The following HDX variants were observed in gnomAD, a reference collection of about 807,000 sequenced individuals.
The protein encoded by HDX is highly divergent homeobox.
HDX carries 19 observed loss-of-function variants against 45.2 expected under a neutral mutation model. The observed-to-expected ratio is 0.42, with a 90% CI of 0.29 to 0.62. The LOEUF (loss-of-function observed/expected upper bound fraction) is 0.62. Ranked by LOEUF, HDX falls within the 20% of genes least tolerant of loss-of-function variation. HDX has a pLI of 0.20. For missense variants in HDX, 532 were observed against 493.9 expected, an observed-to-expected ratio of 1.08 and a Z score of -0.73; for synonymous variants, 188 against 172.8, an observed-to-expected ratio of 1.09 and a Z score of -0.69.
chrX:84,381,144 A>T (rs1157160964), intron 5 of HDX, among the ~76,000 whole-genome samples: 1 of 111,252 alleles, frequency 9.0e-6, no homozygotes, highest in Non-Finnish European at 1.9e-5. Flanking sequence ...AATTAACCAA[A>T]GAAGTTAAAG....
In HDX at chrX:84,321,325, A is replaced by C. The variant is rs2036593404; in HGVS notation, c.*564T>G. The C allele has an allele frequency of 9.0e-6, 1 of 111,141 alleles. No individual in the cohort carries two copies. Among genetic ancestry groups the C allele is most frequent in the African/African-American group, 3.3e-5 (1 of 30,729 alleles). The allele number at this position is 111,141 out of a possible 1,213,427, so 9.2% of individuals were successfully genotyped here. A position where few individuals can be genotyped will look rare whatever the true frequency, so the allele number is the denominator to read the frequency against. ...AAGAACACCAGCAATTTACAATTAC[A>C]TACCTGTAATCATTTAATTTTCAGT... On this transcript the variant is annotated 3_prime_UTR_variant, in exon 11 of 11. Coordinates refer to ENST00000373177, the MANE Select transcript of HDX (RefSeq NM_001177479.2).
chrX:84,466,803 T>C (rs12392835), intron 4 of HDX, among the ~76,000 whole-genome samples: 2,520 of 111,847 alleles, frequency 0.023, 51 homozygotes, highest in African/African-American at 0.071. Context: ...GTTGGAATTC[T>C]GGTTCTGTCA....
At chrX:84,451,306 CATAA>C (rs779024376) in intron 4 of HDX, among the ~76,000 whole-genome samples, 7 of 110,609 alleles carry the variant, frequency 6.3e-5, no homozygotes, top group Non-Finnish European at 1.3e-4. Context: ...AAAAAGAAGA[CATAA>C]ATAAATAAAA....
At chrX:84,462,669 G>A (rs771688548) in intron 4 of HDX, among the ~76,000 whole-genome samples, 64 of 110,609 alleles carry the variant, frequency 5.8e-4, no homozygotes, top group Non-Finnish European at 1.1e-3. Context: ...GAGTGATACT[G>A]TTCTATTAAT....
intron 5 of HDX, among the ~76,000 whole-genome samples, chrX:84,389,912 G>T (rs2038404978): frequency 9.0e-6 from 1 of 111,096 alleles, no homozygotes; most frequent in Non-Finnish European, 1.9e-5. Context: ...GGATCCCATA[G>T]GTCAATGGCA....
chrX:84,469,355 T>C lies in HDX; in HGVS notation c.368A>G (p.Asn123Ser). The C allele has an allele frequency of 8.3e-7, 1 of 1,209,260 alleles. No individual in the cohort carries two copies. Residue 123 changes from asparagine to serine, a missense_variant, in exon 4 of 11, where the codon AAC (asparagine) becomes AGC (serine). By Grantham distance (46) the Asn-to-Ser change is conservative (BLOSUM62 1). Coordinates refer to ENST00000373177, the MANE Select transcript of HDX (RefSeq NM_001177479.2). ...TGTAATTTGTGTGTCTGTATGTTTG[T>C]TTGTTCCTTGCCTACTTGATGAACT... ...PASSSSRQGT[N>S]KHTDTQITEA... is the part of the protein sequence containing the mutation.
intron 5 of HDX, among the ~76,000 whole-genome samples, chrX:84,437,478 C>A (rs1006759446): frequency 4.5e-5 from 5 of 111,202 alleles, no homozygotes; most frequent in African/African-American, 1.3e-4. Flanking sequence ...GTTTAACATG[C>A]AAGTCCTGGC....
Position 84,499,881 on chromosome X carries a change from C to T in HDX, c.-110+2461G>A, listed in dbSNP as rs563598388. 7.2e-5 allele frequency: 8 copies of T among 111,879 alleles called. No homozygotes were observed. The South Asian group carries it at 3.0e-3, about 42-fold the overall frequency. The allele number at this position is 111,879 out of a possible 1,213,427, so 9.2% of individuals were successfully genotyped here. ...CAATTGTAACAACCATCACAAAGGT[C>T]ATCTCTGATTCAAGAGATGTACACA... On this transcript the variant is annotated intron_variant, in intron 1 of 10. Coordinates refer to ENST00000373177, the MANE Select transcript of HDX (RefSeq NM_001177479.2).
chrX:84,457,700 A>G (rs899579644), intron 4 of HDX, among the ~76,000 whole-genome samples: 7 of 111,875 alleles, frequency 6.3e-5, no homozygotes, highest in Non-Finnish European at 9.4e-5. Flanking sequence ...ACTTCTTCTG[A>G]TGTGTGAAAA....
At chrX:84,348,704 C>T (rs1210890920) in intron 6 of HDX, among the ~76,000 whole-genome samples, 2 of 111,007 alleles carry the variant, frequency 1.8e-5, no homozygotes, top group Non-Finnish European at 3.8e-5. Flanking sequence ...GAATCTTTGC[C>T]GTGGCCTGTG....
At chrX:84,453,234 C>T (rs891297278) in intron 4 of HDX, among the ~76,000 whole-genome samples, 1 of 112,553 alleles carries the variant, frequency 8.9e-6, no homozygotes, top group African/African-American at 3.2e-5. Context: ...TCCACACACA[C>T]ACACAAATCT....
chrX:84,418,045 C>T (rs1331699616), intron 5 of HDX, among the ~76,000 whole-genome samples: 1 of 111,951 alleles, frequency 8.9e-6, no homozygotes, highest in Non-Finnish European at 1.9e-5. Context: ...AAAACAACTA[C>T]TGAATGGGTC....
At chrX:84,414,042 C>G (rs13441037) in intron 5 of HDX, among the ~76,000 whole-genome samples, 1 of 111,207 alleles carries the variant, frequency 9.0e-6, no homozygotes, top group African/African-American at 3.3e-5. Flanking sequence ...GTTTCATAGA[C>G]TTGTAGTCCT....
chrX:84,482,574 C>T (rs186519971), intron 2 of HDX, among the ~76,000 whole-genome samples: 3 of 111,385 alleles, frequency 2.7e-5, no homozygotes, highest in African/African-American at 6.5e-5. Flanking sequence ...AGAAACTAGC[C>T]CCATGAGTCA....
intron 4 of HDX, among the ~76,000 whole-genome samples, chrX:84,441,700 A>G (rs1257863351): frequency 9.0e-6 from 1 of 111,640 alleles, no homozygotes; most frequent in South Asian, 3.7e-4. Context: ...CAATGTTGCA[A>G]TCTTGAGGAG....
At chrX:84,487,160 C>T (rs2040812216) in intron 2 of HDX, among the ~76,000 whole-genome samples, 1 of 111,997 alleles carries the variant, frequency 8.9e-6, no homozygotes, top group South Asian at 3.7e-4. Flanking sequence ...AATGAATTTT[C>T]AGCTCTATAA....
intron 1 of HDX, among the ~76,000 whole-genome samples, chrX:84,498,021 A>G (rs2041043102): frequency 8.9e-6 from 1 of 111,742 alleles, no homozygotes; most frequent in Non-Finnish European, 1.9e-5. Flanking sequence ...CCAAGGGAAA[A>G]GAAGCTAAGG....
intron 6 of HDX, among the ~76,000 whole-genome samples, chrX:84,358,682 T>A (rs750940608): frequency 2.3e-4 from 26 of 112,180 alleles, no homozygotes; most frequent in Non-Finnish European, 4.3e-4. Flanking sequence ...AGTATTTATT[T>A]TCAGAAATCT....
chrX:84,485,855 C>A (rs1022266973), intron 2 of HDX, among the ~76,000 whole-genome samples: 1 of 112,261 alleles, frequency 8.9e-6, no homozygotes, highest in Non-Finnish European at 1.9e-5. Flanking sequence ...CTTTGCCAGA[C>A]ACTAATATAA....
Sources: allele counts gnomAD v4.1 joint callset (sites outside exome capture counted in the v4.1 genomes callset), GRCh38; gene constraint gnomAD v4.1.1; transcripts MANE v1.5; gene names NCBI Gene and HGNC (gene_info 2026-07-23, HGNC 2026-07-21).